The following NUS1 variants were observed in gnomAD, a reference collection of about 807,000 sequenced individuals.
NUS1 encodes the protein NUS1 dehydrodolichyl diphosphate synthase subunit, also known as dehydrodolichyl diphosphate synthase complex subunit NUS1.
For missense variants in NUS1, 292 were observed against 382.9 expected (o/e 0.76, Z 1.98); for synonymous variants, 135 against 155.2 (o/e 0.87, Z 0.97).
intron 1 of NUS1, among the ~76,000 whole-genome samples, chr6:117,688,803 C>T (rs1773176809): frequency 6.6e-6 from 1 of 152,166 alleles, no homozygotes; most frequent in Non-Finnish European, 1.5e-5. Flanking sequence ...TTTTGTTCAT[C>T]ATGGATAGTT....
Position 117,710,556 on chromosome 6 carries a change from A to T in NUS1, c.*3541A>T, listed in dbSNP as rs1176235814. 1 of 152,186 alleles carries T rather than the reference A, an allele frequency of 6.6e-6. No individual in the cohort carries two copies. The highest frequency in any genetic ancestry group is 1.5e-5 in the Non-Finnish European group (1 of 68,006). The allele number at this position is 152,186 out of a possible 1,614,324, so 9.4% of individuals were successfully genotyped here. A position where few individuals can be genotyped will look rare whatever the true frequency, so the allele number is the denominator to read the frequency against. On this transcript the variant is annotated 3_prime_UTR_variant, in exon 5 of 5. Coordinates refer to ENST00000368494, the MANE Select transcript of NUS1 (RefSeq NM_138459.5). ...TTGATTACATTTTTGGTGATCACCG[A>T]GAATTTTTTGTACTATATTTTAAAA...
chr6:117,688,787 T>G (rs553926669), intron 1 of NUS1, among the ~76,000 whole-genome samples: 40 of 152,346 alleles, frequency 2.6e-4, no homozygotes, highest in Non-Finnish European at 5.4e-4. Context: ...ACTTAAAATT[T>G]TAATGTTTTG....
At chr6:117,704,156 A>G (rs1052958369) in intron 4 of NUS1, among the ~76,000 whole-genome samples, 1 of 152,188 alleles carries the variant, frequency 6.6e-6, no homozygotes, top group African/African-American at 2.4e-5. Context: ...TTTAAATGCC[A>G]GCATAGGAAT....
intron 1 of NUS1, among the ~76,000 whole-genome samples, chr6:117,687,743 G>C (rs995985000): frequency 2.0e-5 from 3 of 152,198 alleles, no homozygotes; most frequent in Non-Finnish European, 4.4e-5. Flanking sequence ...CAACAAGCAT[G>C]GAAGCATAGG....
At chr6:117,690,137 C>G (rs1692460549) in intron 1 of NUS1, among the ~76,000 whole-genome samples, 1 of 152,098 alleles carries the variant, frequency 6.6e-6, no homozygotes, top group South Asian at 2.1e-4. Flanking sequence ...TCAAATAGCT[C>G]CTGATATTAA....
chr6:117,690,850 G>T (rs1033843961), intron 1 of NUS1, among the ~76,000 whole-genome samples: 4 of 151,556 alleles, frequency 2.6e-5, no homozygotes, highest in African/African-American at 9.7e-5. Context: ...AAAATTAGCC[G>T]GGCATGGTGG....
chr6:117,676,889 C>T (rs1772991854), intron 1 of NUS1, among the ~76,000 whole-genome samples: 1 of 152,132 alleles, frequency 6.6e-6, no homozygotes, highest in African/African-American at 2.4e-5. Context: ...ATAGGTACTG[C>T]AAATGGGAGC....
chr6:117,690,599 T>C (rs1054754407), intron 1 of NUS1, among the ~76,000 whole-genome samples: 7 of 152,138 alleles, frequency 4.6e-5, no homozygotes, highest in Admixed American at 3.3e-4. Context: ...CTTAATCACT[T>C]CTATAGTAAT....
chr6:117,676,673 G>C (rs1772987649), intron 1 of NUS1, among the ~76,000 whole-genome samples: 1 of 152,206 alleles, frequency 6.6e-6, no homozygotes, highest in Non-Finnish European at 1.5e-5. Flanking sequence ...CCTTGCCAAG[G>C]TTTAAAAACA....
At chr6:117,687,772 G>T (rs1480850139) in intron 1 of NUS1, among the ~76,000 whole-genome samples, 4 of 152,216 alleles carry the variant, frequency 2.6e-5, no homozygotes, top group Admixed American at 1.3e-4. Context: ...TTAATGTTGG[G>T]CTGAGCAGTT....
At chr6:117,693,018 T>C in intron 1 of NUS1, 24 bp from the exon 2 acceptor site, 1 of 1,584,984 alleles carries the variant, frequency 6.3e-7, no homozygotes, top group Non-Finnish European at 8.7e-7. Flanking sequence ...AGTTGTGTTT[T>C]ACTTGCCTTT....
At chr6:117,697,652 T>C (rs1052007751) in intron 3 of NUS1, among the ~76,000 whole-genome samples, 14 of 151,838 alleles carry the variant, frequency 9.2e-5, no homozygotes, top group African/African-American at 3.4e-4. Flanking sequence ...AACCCAGATA[T>C]ATAAAGCCAA....
At chr6:117,688,707 A>G (rs938770647) in intron 1 of NUS1, among the ~76,000 whole-genome samples, 8 of 152,206 alleles carry the variant, frequency 5.3e-5, no homozygotes, top group Non-Finnish European at 1.0e-4. Context: ...TCGGATGCCT[A>G]CAGAACTTCA....
chr6:117,682,376 G>A (rs1459590585), intron 1 of NUS1, among the ~76,000 whole-genome samples: 2 of 152,118 alleles, frequency 1.3e-5, no homozygotes, highest in African/African-American at 4.8e-5. Flanking sequence ...GACATGGGAG[G>A]ATTGCTTGAG....
chr6:117,700,120 A>G (rs949564033), intron 3 of NUS1, among the ~76,000 whole-genome samples: 2 of 152,172 alleles, frequency 1.3e-5, no homozygotes, highest in African/African-American at 4.8e-5. Context: ...AGCACAGGCA[A>G]CCAGAGCAAA....
intron 1 of NUS1, among the ~76,000 whole-genome samples, chr6:117,682,094 A>G (rs1250762366): frequency 2.0e-5 from 3 of 152,154 alleles, no homozygotes; most frequent in Non-Finnish European, 4.4e-5. Flanking sequence ...AGCCTCCCAA[A>G]GTGCTGGGAT....
intron 1 of NUS1, among the ~76,000 whole-genome samples, chr6:117,688,449 CT>C (rs56753843): frequency 0.68 from 100,490 of 148,640 alleles, 34,518 homozygotes; most frequent in Non-Finnish European, 0.77. Context: ...AGAAGGAGGA[CT>C]TTTTTTTTTT....
Position 117,694,062 on chromosome 6 carries a change from G to T in NUS1, c.573G>T (p.Leu191=), listed in dbSNP as rs1052232. 5.6e-6 allele frequency: 9 copies of T among 1,611,146 alleles called. No individual in the cohort carries two copies. Among genetic ancestry groups the T allele is most frequent in the Non-Finnish European group, 7.6e-6 (9 of 1,178,930 alleles). The change falls in exon 3 of 5, where the codon CTG becomes CTT. Residue 191 remains leucine, a synonymous_variant. Coordinates refer to ENST00000368494, the MANE Select transcript of NUS1 (RefSeq NM_138459.5). The stretch of plus-strand genomic sequence containing the variant: ...ATTGCCATTTGGCAGTGAAGGTGCT[G>T]TCTCCGGAAGATGGAAAAGCAGATA... ...VLNCHLAVKV[L]SPEDGKADIV...
intron 1 of NUS1, among the ~76,000 whole-genome samples, chr6:117,691,659 T>A (rs1773223588): frequency 6.8e-6 from 1 of 147,284 alleles, no homozygotes; most frequent in Non-Finnish European, 1.5e-5. Flanking sequence ...ATATTTATAT[T>A]ATATATATTT....
Sources: allele counts gnomAD v4.1 joint callset (sites outside exome capture counted in the v4.1 genomes callset), GRCh38; gene constraint gnomAD v4.1.1; transcripts MANE v1.5; gene names NCBI Gene and HGNC (gene_info 2026-07-23, HGNC 2026-07-21).